The following SH3KBP1 variants were observed in gnomAD, a reference collection of about 807,000 sequenced individuals.
SH3KBP1 encodes SH3 domain-containing kinase-binding protein 1.
SH3KBP1 carries 8 observed loss-of-function variants against 50.1 expected under a neutral mutation model. The observed-to-expected ratio is 0.16, with a 90% CI of 0.09 to 0.29. The LOEUF is 0.29. Ranked by LOEUF, SH3KBP1 falls within the 10% of genes least tolerant of loss-of-function variation. The probability of loss-of-function intolerance (pLI) is 1.00; values close to 1 mark genes in which losing one functional copy is unlikely to be tolerated. For synonymous variants in SH3KBP1, 227 were observed against 218.6 expected, an observed-to-expected ratio of 1.04 and a Z score of -0.34; for missense variants, 377 against 535.2, an observed-to-expected ratio of 0.70 and a Z score of 2.92.
chrX:19,641,252 C>G (rs990745521), intron 7 of SH3KBP1, among the ~76,000 whole-genome samples: 4 of 112,136 alleles, frequency 3.6e-5, no homozygotes, highest in Admixed American at 1.9e-4. Flanking sequence ...CCAGCAACCA[C>G]TGCTAACCAC....
At chrX:19,855,506 A>AT (rs765921292) in intron 1 of SH3KBP1, among the ~76,000 whole-genome samples, 5 of 112,229 alleles carry the variant, frequency 4.5e-5, no homozygotes, top group Non-Finnish European at 9.4e-5. Flanking sequence ...TCAGACTGTT[A>AT]TTTTAACCCT....
At chrX:19,799,966 C>T (rs762430830) in intron 2 of SH3KBP1, among the ~76,000 whole-genome samples, 8 of 111,646 alleles carry the variant, frequency 7.2e-5, no homozygotes, top group Non-Finnish European at 1.3e-4. Context: ...GGAGGAAGAG[C>T]CACCTAATTA....
At chrX:19,854,852 G>A (rs1254461725) in intron 1 of SH3KBP1, among the ~76,000 whole-genome samples, 9 of 111,577 alleles carry the variant, frequency 8.1e-5, no homozygotes, top group Non-Finnish European at 1.3e-4. Flanking sequence ...CCTTTTTCAA[G>A]CCACCTGTCA....
At chrX:19,788,284 AAC>A (rs1569472306) in intron 2 of SH3KBP1, among the ~76,000 whole-genome samples, 15 of 90,294 alleles carry the variant, frequency 1.7e-4, no homozygotes, top group Admixed American at 2.3e-4. Flanking sequence ...AAAAAAAAAA[AAC>A]AAAAAAAAAA....
chrX:19,766,358 T>C (rs1382253021), intron 2 of SH3KBP1, among the ~76,000 whole-genome samples: 1 of 110,149 alleles, frequency 9.1e-6, no homozygotes, highest in Non-Finnish European at 1.9e-5. Context: ...TGAATTGGGT[T>C]ATTTGTTTTG....
intron 2 of SH3KBP1, among the ~76,000 whole-genome samples, chrX:19,788,279 A>AC (rs1262695730): frequency 5.8e-5 from 6 of 102,872 alleles, no homozygotes; most frequent in African/African-American, 2.3e-4. Flanking sequence ...CAAAAAAAAA[A>AC]AAAAAACAAA....
intron 6 of SH3KBP1, among the ~76,000 whole-genome samples, chrX:19,674,356 C>A (rs1222364514): frequency 4.5e-5 from 5 of 111,967 alleles, no homozygotes; most frequent in Non-Finnish European, 9.4e-5. Flanking sequence ...TGGATTGCCA[C>A]CCCTTTGTTC....
intron 1 of SH3KBP1, among the ~76,000 whole-genome samples, chrX:19,838,906 A>AG (rs1569485847): frequency 9.4e-6 from 1 of 106,060 alleles, no homozygotes; most frequent in Non-Finnish European, 2.0e-5. Flanking sequence ...AAAAAAAAAA[A>AG]GAAAAAAAGA....
intron 13 of SH3KBP1, among the ~76,000 whole-genome samples, chrX:19,550,477 A>C (rs1253977801): frequency 8.9e-6 from 1 of 111,767 alleles, no homozygotes; most frequent in Non-Finnish European, 1.9e-5. Flanking sequence ...AAGGTACAAC[A>C]GCCACAAGCG....
intron 12 of SH3KBP1, among the ~76,000 whole-genome samples, chrX:19,582,186 G>A (rs375845480): frequency 1.4e-4 from 16 of 112,286 alleles, no homozygotes; most frequent in Admixed American, 1.3e-3. Context: ...TGAATGGTCC[G>A]CTTCCATCCT....
At position 19,596,212 on chromosome X, in the gene SH3KBP1, G is replaced by A. The variant is rs555280166; in HGVS notation, c.1006-1212C>T. Among the ~76,000 whole-genome samples, 21 of 111,637 alleles carry A rather than the reference G, an allele frequency of 1.9e-4. No homozygotes were observed. In the Admixed American group the frequency reaches 2.0e-3, roughly 11 times the overall value. On this transcript the variant is annotated intron_variant, in intron 9 of 17. Transcript: ENST00000397821. ...AGTACAGGCATACCTCAGAGATAAC[G>A]CAAACTCGGTTTTAGACCACTGCAA... is the stretch of plus-strand genomic sequence containing the variant.
chrX:19,586,628 T>C (rs746483062), intron 12 of SH3KBP1, among the ~76,000 whole-genome samples: 64 of 111,571 alleles, frequency 5.7e-4, no homozygotes, highest in African/African-American at 2.0e-3. Flanking sequence ...GGGTGGAACA[T>C]GGAGAGGCCT....
intron 3 of SH3KBP1, among the ~76,000 whole-genome samples, chrX:19,720,680 A>G (rs2064033611): frequency 8.9e-6 from 1 of 111,956 alleles, no homozygotes; most frequent in Admixed American, 9.5e-5. Context: ...ACAAATGAAT[A>G]TATCAGACAC....
chrX:19,835,765 G>C (rs927542856), intron 2 of SH3KBP1, among the ~76,000 whole-genome samples: 4 of 107,513 alleles, frequency 3.7e-5, no homozygotes, highest in Non-Finnish European at 5.8e-5. Context: ...TTTTTTTTTA[G>C]TAGAGATGGG....
chrX:19,600,453 C>A (rs984331390), intron 9 of SH3KBP1, among the ~76,000 whole-genome samples: 26 of 111,920 alleles, frequency 2.3e-4, no homozygotes, highest in Non-Finnish European at 9.4e-5. Flanking sequence ...GCAGTGTGAA[C>A]TGAGAAGGCA....
chrX:19,876,949 A>G (rs1449160264), intron 1 of SH3KBP1, among the ~76,000 whole-genome samples: 1 of 110,952 alleles, frequency 9.0e-6, no homozygotes, highest in Non-Finnish European at 1.9e-5. Flanking sequence ...CTTCCACCTC[A>G]CTTTTCCCCC....
At chrX:19,652,581 T>C (rs774184118) in intron 6 of SH3KBP1, among the ~76,000 whole-genome samples, 1 of 112,053 alleles carries the variant, frequency 8.9e-6, no homozygotes, top group Non-Finnish European at 1.9e-5. Flanking sequence ...ATCTGATAAA[T>C]TTGGCAAAGA....
At chrX:19,646,734 G>A (rs2061998816) in intron 6 of SH3KBP1, among the ~76,000 whole-genome samples, 1 of 112,623 alleles carries the variant, frequency 8.9e-6, no homozygotes, top group Non-Finnish European at 1.9e-5. Flanking sequence ...ATAAATCACA[G>A]AAAGAGGATA....
chrX:19,541,657 C>G (rs2064904418), intron 16 of SH3KBP1, among the ~76,000 whole-genome samples: 1 of 112,643 alleles, frequency 8.9e-6, no homozygotes, highest in South Asian at 3.6e-4. Flanking sequence ...CTGAGAGCAT[C>G]AGTCCCTGCA....
Sources: gnomAD v4.1 joint callset for allele counts (sites outside exome capture counted in the v4.1 genomes callset) on GRCh38, gnomAD v4.1.1 for gene constraint, MANE v1.5 for transcripts, NCBI Gene and HGNC (gene_info 2026-07-23, HGNC 2026-07-21) for gene names.